The following ST3GAL2 variants were observed in gnomAD, a reference collection of about 807,000 sequenced individuals.
ST3GAL2 encodes ST3 beta-galactoside alpha-2,3-sialyltransferase 2, also known as CMP-N-acetylneuraminate-beta-galactosamide-alpha-2,3-sialyltransferase 2.
Under a neutral mutation model 37.5 loss-of-function variants are expected in ST3GAL2, and 16 were observed. The observed-to-expected ratio is 0.43, with a 90% CI of 0.29 to 0.65. The LOEUF is 0.65. Ranked by LOEUF, ST3GAL2 falls within the 30% of genes least tolerant of loss-of-function variation. The probability of loss-of-function intolerance (pLI) is 0.17; values close to 1 mark genes in which losing one functional copy is unlikely to be tolerated. For synonymous variants in ST3GAL2, 238 were observed against 202.9 expected, an observed-to-expected ratio of 1.17 and a Z score of -1.47; for missense variants, 383 against 487.8, an observed-to-expected ratio of 0.79 and a Z score of 2.02.
At position 70,376,323 on chromosome 16, in the gene ST3GAL2, A is replaced by T. The variant is rs2047345640; in HGVS notation, c.*5366T>A. 6.6e-6 allele frequency: 1 copy of T among 152,268 alleles called. No individual in the cohort carries two copies. Among genetic ancestry groups the T allele is most frequent in the South Asian group, 2.1e-4 (1 of 4,836 alleles). 9.4% of individuals were successfully genotyped at this position (152,268 alleles called of 1,614,324 possible). ...AGGCCGGATGGAACTGGGCGCCCTG[A>T]GTGCAGATGCCATATGTTTCTTCTG... On this transcript the variant is annotated 3_prime_UTR_variant, in exon 7 of 7. Transcript: ENST00000342907.
chr16:70,420,012 C>CG (rs923000048), intron 1 of ST3GAL2, among the ~76,000 whole-genome samples: 12 of 45,338 alleles, frequency 2.6e-4, no homozygotes, highest in East Asian at 1.0e-3. Flanking sequence ...GACCATTTGA[C>CG]CCCCCCCTTC....
At chr16:70,426,181 CTTTTTTTTTTTT>C (rs56342720) in intron 1 of ST3GAL2, among the ~76,000 whole-genome samples, 2 of 99,512 alleles carry the variant, frequency 2.0e-5, no homozygotes, top group Non-Finnish European at 3.7e-5. Context: ...GGGCCAAAGC[CTTTTTTTTTTTT>C]TTTTTTTTTT....
At chr16:70,396,945 G>A (rs1423710263) in intron 2 of ST3GAL2, among the ~76,000 whole-genome samples, 2 of 151,970 alleles carry the variant, frequency 1.3e-5, no homozygotes, top group African/African-American at 2.4e-5. Flanking sequence ...AGCCCCTGAG[G>A]GTTCTTTTCA....
intron 4 of ST3GAL2, among the ~76,000 whole-genome samples, chr16:70,385,250 G>A (rs2047434126): frequency 6.6e-6 from 1 of 151,972 alleles, no homozygotes. Flanking sequence ...GAGCCGAGAA[G>A]GCGCCATTGC....
At chr16:70,423,280 C>T (rs762902080) in intron 1 of ST3GAL2, among the ~76,000 whole-genome samples, 35 of 151,866 alleles carry the variant, frequency 2.3e-4, no homozygotes, top group Non-Finnish European at 3.7e-4. Context: ...AGGCTGCGTC[C>T]GGAAGATCAC....
rs188205698 is a variant in ST3GAL2 at position 70,388,618 on chromosome 16, C to T, written c.534-72G>A. The stretch of plus-strand genomic sequence containing the variant: ...GATACAAGATTCTTAGAGGACAGTT[C>T]GAAGCCATCCATCAAAAATGCAAAC... On this transcript the variant is annotated intron_variant, in intron 3 of 6. Transcript: ENST00000342907. 1.2e-3 allele frequency: 1,817 copies of T among 1,493,560 alleles called. 4 individuals are homozygous for T. The highest frequency in any genetic ancestry group is 2.0e-3 in the Middle Eastern group (11 of 5,560). The allele number at this position is 1,493,560 out of a possible 1,614,324, so 92.5% of individuals were successfully genotyped here.
At chr16:70,427,342 T>C (rs575068206) in intron 1 of ST3GAL2, among the ~76,000 whole-genome samples, 1 of 149,770 alleles carries the variant, frequency 6.7e-6, no homozygotes, top group African/African-American at 2.5e-5. Context: ...AGTCTTCTTT[T>C]TTTTTTTTTT....
intron 1 of ST3GAL2, among the ~76,000 whole-genome samples, chr16:70,401,854 C>T (rs899641555): frequency 1.3e-4 from 20 of 151,624 alleles, no homozygotes; most frequent in Admixed American, 1.1e-3. Context: ...ATCAGCCAGG[C>T]GTTGTGGTGG....
intron 1 of ST3GAL2, among the ~76,000 whole-genome samples, chr16:70,437,367 C>G (rs2047832260): frequency 6.6e-6 from 1 of 152,158 alleles, no homozygotes; most frequent in South Asian, 2.1e-4. Context: ...AAGCAGTGAA[C>G]CATCTGGTTC....
chr16:70,404,948 G>A (rs548872730), intron 1 of ST3GAL2, among the ~76,000 whole-genome samples: 91 of 151,204 alleles, frequency 6.0e-4, no homozygotes, highest in African/African-American at 1.8e-3. Context: ...CAGGAGAATC[G>A]CTTGAACTTG....
Position 70,378,646 on chromosome 16 carries a change from G to A in ST3GAL2, c.*3043C>T, listed in dbSNP as rs1049585567. 1 of 151,146 alleles carries A rather than the reference G, an allele frequency of 6.6e-6. No homozygotes were observed. Among genetic ancestry groups the A allele is most frequent in the Non-Finnish European group, 1.5e-5 (1 of 67,928 alleles). The allele number at this position is 151,146 out of a possible 1,614,324, so 9.4% of individuals were successfully genotyped here. On this transcript the variant is annotated 3_prime_UTR_variant, in exon 7 of 7. Coordinates refer to ENST00000342907, the MANE Select transcript of ST3GAL2 (RefSeq NM_006927.4). ...GAACCCGGGAGGCGGAGCTTGCAAT[G>A]AGCCGAGATCCCACCACTGCACTCC... is the stretch of plus-strand genomic sequence containing the variant.
chr16:70,420,530 G>A (rs1424126296), intron 1 of ST3GAL2, among the ~76,000 whole-genome samples: 1 of 152,162 alleles, frequency 6.6e-6, no homozygotes, highest in Non-Finnish European at 1.5e-5. Context: ...CAGTGGACAA[G>A]CCAGCACTAG....
At chr16:70,407,323 C>T (rs2047599652) in intron 1 of ST3GAL2, among the ~76,000 whole-genome samples, 1 of 152,028 alleles carries the variant, frequency 6.6e-6, no homozygotes, top group African/African-American at 2.4e-5. Flanking sequence ...GTATTTTCAA[C>T]AGAGATGAGG....
chr16:70,387,880 C>T (rs1032814836), intron 4 of ST3GAL2, among the ~76,000 whole-genome samples: 3 of 151,936 alleles, frequency 2.0e-5, no homozygotes, highest in African/African-American at 7.3e-5. Flanking sequence ...TTTGGGAGCC[C>T]GAGGTAGCTG....
intron 2 of ST3GAL2, 42 bp from the exon 3 acceptor site, chr16:70,395,217 G>A (rs1296038644): frequency 1.9e-6 from 3 of 1,560,324 alleles, no homozygotes; most frequent in African/African-American, 2.7e-5. Context: ...GAAGGGGAGA[G>A]GTGTGTGAAG....
rs2047418135 is a variant in ST3GAL2 at position 70,383,198 on chromosome 16, T to C, written c.751A>G (p.Lys251Glu). 3 of 1,611,422 alleles carry C rather than the reference T, an allele frequency of 1.9e-6. No individual in the cohort carries two copies. Among genetic ancestry groups the C allele is most frequent in the Non-Finnish European group, 1.7e-6 (2 of 1,179,376 alleles). ...AGAAGTGGGGAGCTTACCTTTTCTTTATCCACTCGAAGGAAGGACTTCACT... is the reference window on the plus strand; with the variant it reads ...AGAAGTGGGGAGCTTACCTTTTCTTCATCCACTCGAAGGAAGGACTTCACT... ...APVKSFLRVD[K>E]EKVQIYNPAF... is the part of the protein sequence containing the mutation. The change falls in exon 5 of 7, where the codon AAA becomes GAA. Residue 251 changes from lysine to glutamate, a missense_variant. Physicochemically the swap from Lys to Glu is moderately conservative, Grantham distance 56 (BLOSUM62 1). Coordinates refer to ENST00000342907, the MANE Select transcript of ST3GAL2 (RefSeq NM_006927.4).
intron 1 of ST3GAL2, among the ~76,000 whole-genome samples, chr16:70,426,322 T>C (rs2047751298): frequency 6.7e-6 from 1 of 149,338 alleles, no homozygotes. Flanking sequence ...GCCTCCCGAG[T>C]AGCTGGGACC....
chr16:70,419,594 C>A (rs1474313097), intron 1 of ST3GAL2, among the ~76,000 whole-genome samples: 2 of 152,184 alleles, frequency 1.3e-5, no homozygotes, highest in East Asian at 1.9e-4. Context: ...ACAAGCTAAG[C>A]CCCTGAGAAT....
chr16:70,376,473 C>A lies in ST3GAL2; in HGVS notation c.*5216G>T, dbSNP rs1044754420. 1 of 152,080 alleles carries A rather than the reference C, an allele frequency of 6.6e-6. No individual in the cohort carries two copies. The allele number at this position is 152,080 out of a possible 1,614,324, so 9.4% of individuals were successfully genotyped here. A position where few individuals can be genotyped will look rare whatever the true frequency, so the allele number is the denominator to read the frequency against. ...TCTGAGGACCAGGCTGGCCCAGATACATACTGCTCCTCAAGCCTCACAGAG... is the reference window on the plus strand; with the variant it reads ...TCTGAGGACCAGGCTGGCCCAGATAAATACTGCTCCTCAAGCCTCACAGAG... On this transcript the variant is annotated 3_prime_UTR_variant, in exon 7 of 7. Transcript: ENST00000342907.
Sources: gnomAD v4.1 joint callset for allele counts (sites outside exome capture counted in the v4.1 genomes callset) on GRCh38, gnomAD v4.1.1 for gene constraint, MANE v1.5 for transcripts, NCBI Gene and HGNC (gene_info 2026-07-23, HGNC 2026-07-21) for gene names.